The following NRG1 variants were observed in gnomAD, a reference collection of about 807,000 sequenced individuals.
The protein encoded by NRG1 is pro-neuregulin-1, membrane-bound isoform.
Under a neutral mutation model 63.8 loss-of-function variants are expected in NRG1, and 18 were observed. The observed-to-expected ratio is 0.28, with a 90% confidence interval of 0.19 to 0.42. The LOEUF (loss-of-function observed/expected upper bound fraction) is 0.42, where lower values mean the gene tolerates loss of function less well. Among genes scored for constraint, NRG1 ranks in the 10% least tolerant of loss-of-function variants. NRG1 has a pLI of 1.00. For missense variants in NRG1, 762 were observed against 814.7 expected, an observed-to-expected ratio of 0.94 and a Z score of 0.79; for synonymous variants, 302 against 301.3, an observed-to-expected ratio of 1.00 and a Z score of -0.02.
intron 1 of NRG1, among the ~76,000 whole-genome samples, chr8:32,392,797 C>A (rs772432060): frequency 3.3e-5 from 5 of 152,118 alleles, no homozygotes; most frequent in African/African-American, 4.8e-5. Flanking sequence ...AAGTAAAAAT[C>A]TTTTAATTAA....
chr8:31,978,819 G>C (rs1477854566), intron 1 of NRG1, among the ~76,000 whole-genome samples: 2 of 152,240 alleles, frequency 1.3e-5, no homozygotes, highest in African/African-American at 2.4e-5. Context: ...CTAAGGACAT[G>C]ATAAATTTTT....
intron 5 of NRG1, among the ~76,000 whole-genome samples, chr8:32,682,831 C>T (rs1450311304): frequency 1.3e-5 from 2 of 152,128 alleles, no homozygotes; most frequent in Non-Finnish European, 2.9e-5. Context: ...AAGAAATATG[C>T]ATCTTATCTA....
At chr8:31,664,910 C>T (rs1408084172) in intron 1 of NRG1, among the ~76,000 whole-genome samples, 3 of 152,160 alleles carry the variant, frequency 2.0e-5, no homozygotes, top group Non-Finnish European at 2.9e-5. Flanking sequence ...TGGAGACACC[C>T]AGACCTTAGA....
intron 1 of NRG1, among the ~76,000 whole-genome samples, chr8:32,534,645 AT>A (rs1223611386): frequency 1.8e-4 from 27 of 152,086 alleles, no homozygotes; most frequent in Admixed American, 1.5e-3. Flanking sequence ...TATGGCTTTT[AT>A]TGGCATATTA....
intron 1 of NRG1, among the ~76,000 whole-genome samples, chr8:32,046,976 A>G (rs764032392): frequency 6.6e-6 from 1 of 152,030 alleles, no homozygotes; most frequent in African/African-American, 2.4e-5. Flanking sequence ...TTGCTTTTAG[A>G]TTATCCTCTA....
At chr8:31,800,254 A>G (rs1348603742) in intron 1 of NRG1, among the ~76,000 whole-genome samples, 1 of 152,158 alleles carries the variant, frequency 6.6e-6, no homozygotes, top group African/African-American at 2.4e-5. Context: ...AATATCCACA[A>G]ATGTGATTAA....
chr8:32,293,171 C>T (rs1358731550), intron 1 of NRG1, among the ~76,000 whole-genome samples: 1 of 152,056 alleles, frequency 6.6e-6, no homozygotes, highest in Non-Finnish European at 1.5e-5. Context: ...GGTTAAATCC[C>T]TGGAACCTGT....
At chr8:32,262,361 C>T (rs1449939537) in intron 1 of NRG1, among the ~76,000 whole-genome samples, 1 of 152,084 alleles carries the variant, frequency 6.6e-6, no homozygotes, top group African/African-American at 2.4e-5. Context: ...AACTTATTTG[C>T]ATTTGCAGAA....
chr8:32,474,558 T>A (rs1824256378), intron 1 of NRG1, among the ~76,000 whole-genome samples: 2 of 150,386 alleles, frequency 1.3e-5, no homozygotes, highest in Non-Finnish European at 3.0e-5. Flanking sequence ...AGTGGCACCA[T>A]CTTGGCTCAC....
chr8:32,648,533 T>G (rs1854220211), intron 5 of NRG1: 13 of 1,228,386 alleles, frequency 1.1e-5, no homozygotes, highest in African/African-American at 1.5e-5. Flanking sequence ...GGGATGGCAT[T>G]GAAGGGCCGA....
chr8:32,648,483 G>T, intron 5 of NRG1: 1 of 1,470,998 alleles, frequency 6.8e-7, no homozygotes, highest in African/African-American at 1.4e-5. Context: ...CATTTTAGTT[G>T]CCTGGTTTTG....
Position 31,943,525 on chromosome 8 carries a change from C to T in NRG1, c.37+304094C>T, listed in dbSNP as rs1802082748. Among the ~76,000 whole-genome samples, 3 of 114,730 alleles carry T rather than the reference C, an allele frequency of 2.6e-5. No homozygotes were observed. The South Asian group carries it at 8.5e-4, about 33-fold the overall frequency. 75.3% of individuals were successfully genotyped at this position (114,730 alleles called of 152,430 possible). A position where few individuals can be genotyped will look rare whatever the true frequency, so the allele number is the denominator to read the frequency against. ...CCAATCACCCCCTGTTCCCCAAAAA[C>T]CTATTGAAATAAATAAATAAATAAA... is the stretch of plus-strand genomic sequence containing the variant. On this transcript the variant is annotated intron_variant, in intron 1 of 10. Coordinates refer to the NRG1 transcript ENST00000519301.
chr8:31,778,909 G>C (rs1819415581), intron 1 of NRG1, among the ~76,000 whole-genome samples: 1 of 152,206 alleles, frequency 6.6e-6, no homozygotes, highest in African/African-American at 2.4e-5. Flanking sequence ...TTATGGGTTG[G>C]AAGTTGATTT....
At chr8:32,106,229 T>C (rs1445737335) in intron 1 of NRG1, among the ~76,000 whole-genome samples, 2 of 152,236 alleles carry the variant, frequency 1.3e-5, no homozygotes, top group Non-Finnish European at 2.9e-5. Flanking sequence ...ATGTAGCCAT[T>C]ATATTTTAAC....
intron 1 of NRG1, among the ~76,000 whole-genome samples, chr8:32,336,605 C>T (rs979926334): frequency 6.6e-6 from 1 of 152,058 alleles, no homozygotes; most frequent in Non-Finnish European, 1.5e-5. Flanking sequence ...GTAGAGTGGA[C>T]ATTTTTTTGT....
chr8:32,755,081 A>G (rs1829435769), intron 8 of NRG1, among the ~76,000 whole-genome samples: 2 of 152,166 alleles, frequency 1.3e-5, no homozygotes, highest in African/African-American at 4.8e-5. Flanking sequence ...GAATGCTCTC[A>G]CAGCCTGAGA....
intron 1 of NRG1, among the ~76,000 whole-genome samples, chr8:32,344,331 T>TTTCC (rs1804476577): frequency 3.5e-5 from 2 of 57,032 alleles, no homozygotes; most frequent in Non-Finnish European, 7.3e-5. Flanking sequence ...TTTCTCTTTC[T>TTTCC]TTCTTTCTTT....
At chr8:32,159,576 G>T (rs1838601725) in intron 1 of NRG1, among the ~76,000 whole-genome samples, 1 of 151,462 alleles carries the variant, frequency 6.6e-6, no homozygotes, top group Non-Finnish European at 1.5e-5. Flanking sequence ...GCTTTATGTG[G>T]CTGTTGGGAA....
chr8:32,458,625 A>G (rs1000744308), intron 1 of NRG1, among the ~76,000 whole-genome samples: 1 of 150,562 alleles, frequency 6.6e-6, no homozygotes, highest in Non-Finnish European at 1.5e-5. Flanking sequence ...TGTAGATATC[A>G]TACCTCTTTA....
Sources: allele counts gnomAD v4.1 joint callset (sites outside exome capture counted in the v4.1 genomes callset), GRCh38; gene constraint gnomAD v4.1.1; transcripts MANE v1.5; gene names NCBI Gene and HGNC (gene_info 2026-07-23, HGNC 2026-07-21).